PHLPP1: variants seen among roughly 807,000 people sequenced by gnomAD.
The protein encoded by PHLPP1 is PH domain and leucine rich repeat protein phosphatase 1.
A neutral mutation model predicts 117.2 loss-of-function variants in PHLPP1; 42 were observed. The observed-to-expected ratio is 0.36, with a 90% confidence interval of 0.28 to 0.46. The LOEUF (loss-of-function observed/expected upper bound fraction) is 0.46, where lower values mean the gene tolerates loss of function less well. PHLPP1 is among the 20% of genes least tolerant of loss of function. The pLI is 1.00. For missense variants in PHLPP1, 2,084 were observed against 2,241.9 expected (o/e 0.93, Z 1.42); for synonymous variants, 1,042 against 970.7 (o/e 1.07, Z -1.37).
chr18:62,807,750 T>C (rs1443921409), intron 1 of PHLPP1, among the ~76,000 whole-genome samples: 2 of 152,074 alleles, frequency 1.3e-5, no homozygotes, highest in Non-Finnish European at 2.9e-5. Context: ...AACTTCTAAA[T>C]ATAGAAAAAA....
intron 1 of PHLPP1, among the ~76,000 whole-genome samples, chr18:62,817,394 C>T (rs990337415): frequency 3.9e-5 from 6 of 152,026 alleles, no homozygotes; most frequent in South Asian, 4.1e-4. Context: ...TAAATACATA[C>T]GTATGTGAAT....
intron 3 of PHLPP1, among the ~76,000 whole-genome samples, chr18:62,849,797 CAAAAAAAAAAAAAAAAAAAA>C (rs1159265423): frequency 2.7e-4 from 2 of 7,396 alleles, no homozygotes; most frequent in South Asian, 6.3e-3. Flanking sequence ...CCTGTCTCTA[CAAAAAAAAAAAAAAAAAAAA>C]AAAAAAAAAA....
chr18:62,728,085 A>G (rs1911128270), intron 1 of PHLPP1, among the ~76,000 whole-genome samples: 1 of 152,082 alleles, frequency 6.6e-6, no homozygotes, highest in Non-Finnish European at 1.5e-5. Context: ...ACCTGATGTC[A>G]GGAGCTTGAG....
chr18:62,766,078 T>TATATATATATATATATATATAAA (rs1912497324), intron 1 of PHLPP1, among the ~76,000 whole-genome samples: 2 of 19,324 alleles, frequency 1.0e-4, no homozygotes, highest in African/African-American at 3.1e-4. Context: ...AAAAAAAAAA[T>TATATATATATATATATATATAAA]ATATATATAT....
chr18:62,716,980 G>A lies in PHLPP1; in HGVS notation c.1297G>A (p.Gly433Arg), dbSNP rs780291195. 8.4e-6 allele frequency: 13 copies of A among 1,541,456 alleles called. No homozygotes were observed. In the South Asian group the frequency reaches 1.4e-4, roughly 17 times the overall value. ...IDSPGGAVRE[G>R]SCEEKAAAAV... is the part of the protein sequence containing the mutation. ...CAGCCCGGGCGGGGCCGTCCGCGAG[G>A]GGTCGTGCGAGGAGAAGGCAGCGGC... The change falls in exon 1 of 17, where the codon GGG becomes AGG. Residue 433 changes from glycine to arginine, a missense_variant. Physicochemically the swap from Gly to Arg is moderately radical, Grantham distance 125 (BLOSUM62 -2). This residue lies in a region of PHLPP1 where 719 missense variants were observed against 636.0 expected (regional missense o/e 1.13). Coordinates refer to ENST00000262719, the MANE Select transcript of PHLPP1 (RefSeq NM_194449.4). This position sits in a 1 kb window ranked among gnomAD's most constrained non-coding sequence, Gnocchi z 5.7.
At chr18:62,806,022 G>A (rs1025598651) in intron 1 of PHLPP1, among the ~76,000 whole-genome samples, 2 of 151,720 alleles carry the variant, frequency 1.3e-5, no homozygotes, top group African/African-American at 4.8e-5. Flanking sequence ...TGTTTCTTTT[G>A]TAGTATTCTA....
chr18:62,954,186 T>G (rs1422426890), intron 12 of PHLPP1, among the ~76,000 whole-genome samples: 1 of 152,206 alleles, frequency 6.6e-6, no homozygotes, highest in Non-Finnish European at 1.5e-5. Context: ...TTATCTCACT[T>G]TTTCTGAGGG....
At chr18:62,880,160 C>T (rs2087904472) in intron 4 of PHLPP1, among the ~76,000 whole-genome samples, 1 of 151,744 alleles carries the variant, frequency 6.6e-6, no homozygotes, top group Admixed American at 6.6e-5. Flanking sequence ...TGGTTCAACC[C>T]TAGCATCAGA....
intron 1 of PHLPP1, among the ~76,000 whole-genome samples, chr18:62,792,270 A>T (rs1913482448): frequency 6.6e-6 from 1 of 152,210 alleles, no homozygotes; most frequent in Non-Finnish European, 1.5e-5. Flanking sequence ...ATATTTTCTC[A>T]GTCATGACCT....
chr18:62,915,104 G>A (rs1194271746), intron 9 of PHLPP1, 96 bp downstream of exon 9: 1 of 870,598 alleles, frequency 1.1e-6, no homozygotes, highest in African/African-American at 1.7e-5. Flanking sequence ...AAGCCTAAAA[G>A]AGTTTGCTTT....
At chr18:62,799,262 G>A (rs912180597) in intron 1 of PHLPP1, among the ~76,000 whole-genome samples, 1 of 152,154 alleles carries the variant, frequency 6.6e-6, no homozygotes, top group Non-Finnish European at 1.5e-5. Flanking sequence ...TATGTCATTT[G>A]GTTTATATCA....
intron 1 of PHLPP1, among the ~76,000 whole-genome samples, chr18:62,817,751 G>T (rs965117100): frequency 6.6e-6 from 1 of 150,480 alleles, no homozygotes; most frequent in South Asian, 2.1e-4. Context: ...ATGCTAAGAA[G>T]CATAATTAAA....
At chr18:62,789,715 G>A (rs1395030625) in intron 1 of PHLPP1, among the ~76,000 whole-genome samples, 1 of 152,058 alleles carries the variant, frequency 6.6e-6, no homozygotes, top group Non-Finnish European at 1.5e-5. Flanking sequence ...AATCCCTGAT[G>A]CTGTTTGGAA....
intron 6 of PHLPP1, among the ~76,000 whole-genome samples, chr18:62,901,680 A>G (rs1251619992): frequency 6.6e-6 from 1 of 150,830 alleles, no homozygotes; most frequent in Non-Finnish European, 1.5e-5. Context: ...CTAGAGTGCA[A>G]TGGCGTGATC....
At chr18:62,730,387 C>G (rs1911193647) in intron 1 of PHLPP1, among the ~76,000 whole-genome samples, 1 of 152,132 alleles carries the variant, frequency 6.6e-6, no homozygotes, top group South Asian at 2.1e-4. Flanking sequence ...TGTTGCTGCT[C>G]TTCCTTGGGG....
rs1049109310 is a variant in PHLPP1, at chr18:62,979,641, A to ATGCTTTACCAAAAG, written c.*211_*212insGCTTTACCAAAAGT. 1 of 589,204 alleles carries ATGCTTTACCAAAAG rather than the reference A, an allele frequency of 1.7e-6. No individual in the cohort carries two copies. 36.5% of individuals were successfully genotyped at this position (589,204 alleles called of 1,614,324 possible). On this transcript the variant is annotated 3_prime_UTR_variant, in exon 17 of 17. Transcript: ENST00000262719. ...CTTCTAGTGATGCTTTACCAATATGATTTACATTTGTTAACTTCTCCCCCT... is the reference window on the plus strand; with the variant it reads ...CTTCTAGTGATGCTTTACCAATATGATGCTTTACCAAAAGTTTACATTTGTTAACTTCTCCCCCT...
intron 1 of PHLPP1, among the ~76,000 whole-genome samples, chr18:62,793,990 T>G (rs1913545730): frequency 6.6e-6 from 1 of 152,252 alleles, no homozygotes; most frequent in African/African-American, 2.4e-5. Context: ...ACATATATAG[T>G]GACCTTTGCC....
chr18:62,886,198 T>C (rs1916284901), intron 4 of PHLPP1, among the ~76,000 whole-genome samples: 1 of 152,238 alleles, frequency 6.6e-6, no homozygotes, highest in Non-Finnish European at 1.5e-5. Flanking sequence ...AGCTTGATTC[T>C]ACCATCTCTT....
At chr18:62,897,245 C>T (rs1916586712) in intron 6 of PHLPP1, among the ~76,000 whole-genome samples, 1 of 152,140 alleles carries the variant, frequency 6.6e-6, no homozygotes, top group South Asian at 2.1e-4. Context: ...TTAGCTTACA[C>T]ATAAGATCAA....
Sources: gnomAD v4.1 joint callset for allele counts (sites outside exome capture counted in the v4.1 genomes callset) on GRCh38, gnomAD v4.1.1 for gene constraint, gnomAD v4.1.1 regional missense constraint, Gnocchi (gnomAD v3.1) non-coding constraint, MANE v1.5 for transcripts, NCBI Gene and HGNC (gene_info 2026-07-23, HGNC 2026-07-21) for gene names.